The following RUFY3 variants were observed in gnomAD, a reference collection of about 807,000 sequenced individuals.
RUFY3 encodes the protein protein RUFY3.
Under a neutral mutation model 84.0 loss-of-function variants are expected in RUFY3, and 34 were observed. The ratio of observed to expected loss-of-function variants is 0.40; its 90% CI spans 0.31 to 0.54. The LOEUF (loss-of-function observed/expected upper bound fraction) is 0.54. RUFY3 is among the 20% of genes least tolerant of loss of function. The probability of loss-of-function intolerance (pLI) is 0.39; values close to 1 mark genes in which losing one functional copy is unlikely to be tolerated. For synonymous variants in RUFY3, 242 were observed against 252.9 expected, an observed-to-expected ratio of 0.96 and a Z score of 0.41; for missense variants, 507 against 736.8, an observed-to-expected ratio of 0.69 and a Z score of 3.61.
Position 70,804,355 on chromosome 4 carries a change from T to G in RUFY3, c.1658T>G (p.Leu553Arg), listed in dbSNP as rs767847608. Residue 553 changes from leucine (L) to arginine (R), a missense_variant, in exon 17 of 18, where the codon CTG becomes CGG. Physicochemically the swap from Leu to Arg is moderately radical, Grantham distance 102 (BLOSUM62 -2). Coordinates refer to ENST00000381006, the MANE Select transcript of RUFY3 (RefSeq NM_001037442.4). ...GCTCCCTGTGTGGTTTAGGATCAGC[T>G]GCTGCTCTCTGAAAAGCCACAGTTG... ...QPHPMDEQDQ[L>R]LLSEKPQLCQ... 6.2e-7 allele frequency: 1 copy of G among 1,614,008 alleles called. No individual in the cohort carries two copies. Among genetic ancestry groups the G allele is most frequent in the South Asian group, 1.1e-5 (1 of 91,066 alleles).
Position 70,794,906 on chromosome 4 carries a change from T to C in RUFY3, c.1557+12T>C, listed in dbSNP as rs748964324. 1.3e-6 allele frequency: 2 copies of C among 1,510,556 alleles called. No individual in the cohort carries two copies. The highest frequency in any genetic ancestry group is 1.8e-6 in the Non-Finnish European group (2 of 1,090,196). The allele number at this position is 1,510,556 out of a possible 1,614,324, so 93.6% of individuals were successfully genotyped here. ...CAGAATCCAAGATGGTAATATTTGC[T>C]ATTCCCTTGTTCTTTTACTTAATTT... On this transcript the variant is annotated intron_variant, in intron 14 of 17. Transcript: ENST00000381006.
At chr4:70,705,388 G>A in intron 1 of RUFY3, 1 of 940,220 alleles carries the variant, frequency 1.1e-6, no homozygotes. Context: ...GCCTCCCGCG[G>A]GGTGACCCGA....
exon 1 of RUFY3, chr4:70,704,827 CGGCGGCGGCGCAGCGGACGGGACGG>C (rs1740068201): frequency 2.9e-6 from 2 of 683,478 alleles, no homozygotes; most frequent in East Asian, 4.0e-5. Context: ...GTGGCGGTGG[CGGCGGCGGCGCAGCGGACGGGACGG>C]GGCGGCGGCT....
chr4:70,755,926 G>A (rs985980886), intron 1 of RUFY3, among the ~76,000 whole-genome samples: 6 of 151,430 alleles, frequency 4.0e-5, no homozygotes, highest in African/African-American at 7.3e-5. Flanking sequence ...ACTCCATCCC[G>A]GGTGACAGAG....
chr4:70,721,652 AAG>A (rs1427762635), upstream of RUFY3, among the ~76,000 whole-genome samples: 3 of 152,224 alleles, frequency 2.0e-5, no homozygotes, highest in African/African-American at 7.2e-5. Flanking sequence ...ATAAGAATGA[AAG>A]AGGTGAATTA....
chr4:70,744,567 A>T (rs1210384375), intron 1 of RUFY3, among the ~76,000 whole-genome samples: 1 of 152,026 alleles, frequency 6.6e-6, no homozygotes, highest in Non-Finnish European at 1.5e-5. Flanking sequence ...TTTTAAAATA[A>T]CAGACTCTAG....
chr4:70,712,020 T>C (rs1470487255), intron 1 of RUFY3, among the ~76,000 whole-genome samples: 1 of 152,216 alleles, frequency 6.6e-6, no homozygotes, highest in Non-Finnish European at 1.5e-5. Context: ...TCAGATGTAA[T>C]CTTTGAGTCT....
chr4:70,727,912 C>CA (rs1718558865), intron 1 of RUFY3, among the ~76,000 whole-genome samples: 1 of 151,916 alleles, frequency 6.6e-6, no homozygotes, highest in African/African-American at 2.4e-5. Context: ...ACAACAAAAC[C>CA]AACTATAGCT....
At chr4:70,740,270 AAATT>A (rs1442040748) in intron 1 of RUFY3, among the ~76,000 whole-genome samples, 1 of 152,194 alleles carries the variant, frequency 6.6e-6, no homozygotes, top group Non-Finnish European at 1.5e-5. Context: ...AAGTTCTCTT[AAATT>A]AATTGCATCA....
chr4:70,795,435 T>C (rs79654037), intron 14 of RUFY3, among the ~76,000 whole-genome samples: 3,154 of 152,226 alleles, frequency 0.021, 123 homozygotes, highest in African/African-American at 0.072. Flanking sequence ...AATTTCTACA[T>C]AATAATCTTA....
chr4:70,759,896 A>G (rs1724732219), intron 1 of RUFY3, among the ~76,000 whole-genome samples: 1 of 152,216 alleles, frequency 6.6e-6, no homozygotes, highest in African/African-American at 2.4e-5. Context: ...CACCAAAAAC[A>G]GTTGTCAGTG....
chr4:70,744,358 TTATGTATGTATG>T (rs113177648), intron 1 of RUFY3, among the ~76,000 whole-genome samples: 3 of 150,622 alleles, frequency 2.0e-5, no homozygotes, highest in African/African-American at 7.4e-5. Context: ...TGGCTAATTT[TTATGTATGTATG>T]TATGTATGTA....
intron 1 of RUFY3, among the ~76,000 whole-genome samples, chr4:70,735,185 A>G (rs1720075154): frequency 6.6e-6 from 1 of 152,012 alleles, no homozygotes; most frequent in Non-Finnish European, 1.5e-5. Flanking sequence ...CATATTCTGT[A>G]CTCTTCAGTA....
At chr4:70,726,208 G>A (rs1445855856) in intron 1 of RUFY3, among the ~76,000 whole-genome samples, 2 of 151,968 alleles carry the variant, frequency 1.3e-5, no homozygotes, top group Admixed American at 1.3e-4. Context: ...GGGGCTGGGT[G>A]GCTGGAGAAT....
At chr4:70,714,897 A>G (rs934692374) in intron 1 of RUFY3, among the ~76,000 whole-genome samples, 1 of 152,336 alleles carries the variant, frequency 6.6e-6, no homozygotes, top group Middle Eastern at 3.4e-3. Flanking sequence ...TGAGCCATGA[A>G]ATCAGTTTTA....
In RUFY3 at chr4:70,736,898, T is replaced by A. The variant is rs543628577; in HGVS notation, c.178+14147T>A. On this transcript the variant is annotated intron_variant, in intron 1 of 17. Coordinates refer to ENST00000381006, the MANE Select transcript of RUFY3 (RefSeq NM_001037442.4). ...GGATGTGCCATAATTTCTTTGACTA[T>A]TTCTTTATTACAGGCATTTAGGTTG... Among the ~76,000 whole-genome samples, 4 of 152,338 alleles carry A rather than the reference T, an allele frequency of 2.6e-5. No individual in the cohort carries two copies. The South Asian group carries it at 8.3e-4, about 32-fold the overall frequency.
intron 1 of RUFY3, among the ~76,000 whole-genome samples, chr4:70,742,500 C>T (rs1284148128): frequency 2.0e-5 from 3 of 152,162 alleles, no homozygotes; most frequent in African/African-American, 4.8e-5. Context: ...CTTCCCCCTC[C>T]GCCTGTGCCA....
At chr4:70,792,986 A>G (rs1368323248) in intron 12 of RUFY3, 1 of 985,338 alleles carries the variant, frequency 1.0e-6, no homozygotes, top group African/African-American at 1.7e-5. Context: ...TGAACTTTCT[A>G]AAACCTACAC....
chr4:70,786,897 T>C (rs560159170), intron 10 of RUFY3, among the ~76,000 whole-genome samples: 10 of 152,074 alleles, frequency 6.6e-5, no homozygotes, highest in African/African-American at 1.7e-4. Flanking sequence ...TAAAAAATTA[T>C]TACAGGCCAA....
Sources: allele counts gnomAD v4.1 joint callset (sites outside exome capture counted in the v4.1 genomes callset), GRCh38; gene constraint gnomAD v4.1.1; transcripts MANE v1.5; gene names NCBI Gene and HGNC (gene_info 2026-07-23, HGNC 2026-07-21).